MGAT5: variants seen among roughly 807,000 people sequenced by gnomAD.
MGAT5 encodes alpha-1,6-mannosylglycoprotein 6-beta-N-acetylglucosaminyltransferase.
In MGAT5, 30 loss-of-function variants were observed where a neutral mutation model predicts 94.3. That is an observed-to-expected ratio of 0.32 (90% CI 0.24 to 0.43). The LOEUF is 0.43. Among genes scored for constraint, MGAT5 ranks in the 20% least tolerant of loss-of-function variants. The pLI is 1.00. For synonymous variants in MGAT5, 310 were observed against 322.9 expected (o/e 0.96, Z 0.43); for missense variants, 691 against 905.5 (o/e 0.76, Z 3.04).
intron 1 of MGAT5, among the ~76,000 whole-genome samples, chr2:134,259,823 C>T (rs182419693): frequency 6.6e-6 from 1 of 152,210 alleles, no homozygotes; most frequent in Admixed American, 6.5e-5. Context: ...GGACAAAGGC[C>T]CTGCTCTCAT....
intron 1 of MGAT5, among the ~76,000 whole-genome samples, chr2:134,240,138 A>G (rs1337594763): frequency 2.0e-5 from 3 of 152,182 alleles, no homozygotes; most frequent in South Asian, 2.1e-4. Flanking sequence ...AGTAAACCCA[A>G]TGGTGTGTTT....
intron 10 of MGAT5, among the ~76,000 whole-genome samples, chr2:134,391,056 C>CTAGATCA (rs1682373608): frequency 1.3e-5 from 2 of 152,058 alleles, no homozygotes; most frequent in Non-Finnish European, 2.9e-5. Flanking sequence ...CTGATCAGGT[C>CTAGATCA]CTTGCCCCAC....
intron 10 of MGAT5, among the ~76,000 whole-genome samples, chr2:134,370,602 G>A (rs975812038): frequency 2.0e-5 from 3 of 152,266 alleles, no homozygotes; most frequent in African/African-American, 7.2e-5. Flanking sequence ...AGGGAGGAGT[G>A]TAGGCATCAG....
At chr2:134,187,093 G>C (rs1689080661) in intron 1 of MGAT5, among the ~76,000 whole-genome samples, 1 of 152,158 alleles carries the variant, frequency 6.6e-6, no homozygotes, top group Non-Finnish European at 1.5e-5. Flanking sequence ...AGGGCCGTGT[G>C]GGTGGAGTAA....
chr2:134,124,328 A>G (rs1226055276), intron 1 of MGAT5, among the ~76,000 whole-genome samples: 1 of 152,194 alleles, frequency 6.6e-6, no homozygotes, highest in Non-Finnish European at 1.5e-5. Context: ...CATTGCCACA[A>G]TTAAGTGCAT....
At chr2:134,400,803 C>T (rs1390588532) in intron 10 of MGAT5, among the ~76,000 whole-genome samples, 2 of 152,204 alleles carry the variant, frequency 1.3e-5, no homozygotes, top group African/African-American at 2.4e-5. Context: ...TCCCCACCTG[C>T]ACCGCCCATC....
intron 11 of MGAT5, among the ~76,000 whole-genome samples, chr2:134,407,260 T>G (rs551336415): frequency 6.6e-6 from 1 of 152,284 alleles, no homozygotes; most frequent in African/African-American, 2.4e-5. Context: ...TTCTTCTGTT[T>G]CTATTACAGA....
At chr2:134,381,406 A>AT (rs70973451) in intron 10 of MGAT5, among the ~76,000 whole-genome samples, 17,208 of 115,252 alleles carry the variant, frequency 0.15, 1,076 homozygotes, top group Middle Eastern at 0.27. Flanking sequence ...AGATAGATAG[A>AT]TAGATAGATA....
At chr2:134,424,467 A>G (rs1479701091) in intron 13 of MGAT5, among the ~76,000 whole-genome samples, 4 of 152,100 alleles carry the variant, frequency 2.6e-5, no homozygotes, top group South Asian at 4.1e-4. Context: ...GCAGTCCCCA[A>G]CCTCAGGAGA....
upstream of MGAT5, among the ~76,000 whole-genome samples, chr2:134,251,276 A>T (rs1204895558): frequency 6.6e-6 from 1 of 151,346 alleles, no homozygotes; most frequent in Admixed American, 6.6e-5. Context: ...TGTAATTCTG[A>T]TGGGGTGGAA....
chr2:134,120,429 G>T (rs925192607), intron 1 of MGAT5: 2 of 325,866 alleles, frequency 6.1e-6, no homozygotes, highest in African/African-American at 4.4e-5. Flanking sequence ...CGGCGCGGTC[G>T]GGGGCTTCCT....
chr2:134,185,069 A>G (rs1688937731), intron 1 of MGAT5, among the ~76,000 whole-genome samples: 1 of 152,286 alleles, frequency 6.6e-6, no homozygotes, highest in South Asian at 2.1e-4. Context: ...GTTCTCACTT[A>G]TAAGTGGGAA....
In MGAT5 at chr2:134,254,269, G is replaced by A; in HGVS notation, c.-135G>A. 1 of 1,041,042 alleles carries A rather than the reference G, an allele frequency of 9.6e-7. No homozygotes were observed. The highest frequency in any genetic ancestry group is 1.4e-6 in the Non-Finnish European group (1 of 719,454). 64.5% of individuals were successfully genotyped at this position (1,041,042 alleles called of 1,614,324 possible). On this transcript the variant is annotated 5_prime_UTR_variant, in exon 1 of 16. Transcript: ENST00000281923. ...TCTTCTCCTCCTTCACAGCAGAATG[G>A]AAGTGAGGAAAGGCAACCAGCTGAC...
At position 134,131,876 on chromosome 2, in the gene MGAT5, C is replaced by A. The variant is rs149838778; in HGVS notation, c.-143+11585C>A. On this transcript the variant is annotated intron_variant, in intron 1 of 16. Transcript: ENST00000409645. ...CTCCATGAGATCGTGCCCAGGCTAG[C>A]CCAGTGGAGGGGGCCAGGTTTGTGC... Among the ~76,000 whole-genome samples the A allele has an allele frequency of 1.7e-3, 262 of 152,300 alleles. 3 individuals carry two copies. Among genetic ancestry groups the A allele is most frequent in the African/African-American group, 6.0e-3 (249 of 41,572 alleles).
intron 1 of MGAT5, among the ~76,000 whole-genome samples, chr2:134,145,962 T>C (rs878873141): frequency 2.0e-5 from 3 of 152,226 alleles, no homozygotes; most frequent in Admixed American, 2.0e-4. Context: ...TGAGACTTAC[T>C]GTTAGACTGT....
chr2:134,138,505 A>G (rs1686520590), intron 1 of MGAT5, among the ~76,000 whole-genome samples: 1 of 152,192 alleles, frequency 6.6e-6, no homozygotes, highest in East Asian at 1.9e-4. Context: ...TATAGACCAT[A>G]TCACAGTAGA....
chr2:134,187,626 G>T (rs1257176), intron 1 of MGAT5, among the ~76,000 whole-genome samples: 57,752 of 152,098 alleles, frequency 0.38, 11,076 homozygotes, highest in Middle Eastern at 0.52. Flanking sequence ...CTCTCCTTCT[G>T]GCATGTAAGT....
At chr2:134,316,286 A>G (rs1221175812) in intron 2 of MGAT5, among the ~76,000 whole-genome samples, 1 of 152,128 alleles carries the variant, frequency 6.6e-6, no homozygotes, top group African/African-American at 2.4e-5. Context: ...CTGTTGTTGC[A>G]TCTCCTGTCT....
intron 10 of MGAT5, among the ~76,000 whole-genome samples, chr2:134,368,188 T>G (rs1041926584): frequency 6.6e-6 from 1 of 152,114 alleles, no homozygotes; most frequent in Non-Finnish European, 1.5e-5. Context: ...ATTCTAAAGC[T>G]AGGAAGGAAG....
Sources: gnomAD v4.1 joint callset for allele counts (sites outside exome capture counted in the v4.1 genomes callset) on GRCh38, gnomAD v4.1.1 for gene constraint, MANE v1.5 for transcripts, NCBI Gene and HGNC (gene_info 2026-07-23, HGNC 2026-07-21) for gene names.